Variants in PRELID2 observed in about 807,000 individuals in gnomAD.
PRELID2 encodes the protein PRELI domain-containing protein 2.
Under a neutral mutation model 28.4 loss-of-function variants are expected in PRELID2, and 25 were observed. The ratio of observed to expected loss-of-function variants is 0.88; its 90% CI spans 0.64 to 1.23. PRELID2 has a LOEUF of 1.23. Ranked by LOEUF, PRELID2 falls within the 50% of genes most tolerant of loss-of-function variation. The pLI, the probability that PRELID2 is intolerant of heterozygous loss-of-function variation, is 0.00. For missense variants in PRELID2, 201 were observed against 214.4 expected (o/e 0.94, Z 0.39); for synonymous variants, 76 against 71.6 (o/e 1.06, Z -0.31).
chr5:145,552,867 C>T (rs1308870780), intron 1 of PRELID2, among the ~76,000 whole-genome samples: 1 of 152,142 alleles, frequency 6.6e-6, no homozygotes, highest in Non-Finnish European at 1.5e-5. Flanking sequence ...CTGCTCATAG[C>T]ATGTCATTAA....
At chr5:145,418,070 C>A in the PRELID2 span, among the ~76,000 whole-genome samples, 1 of 152,084 alleles carries the variant, frequency 6.6e-6, no homozygotes, top group East Asian at 1.9e-4. Flanking sequence ...AGTCAATGCA[C>A]AGAAATTGCT....
chr5:145,299,030 A>G, the PRELID2 span, among the ~76,000 whole-genome samples: 184 of 152,204 alleles, frequency 1.2e-3, no homozygotes, highest in African/African-American at 4.3e-3. Flanking sequence ...ATATATTTCT[A>G]ATTTTTTATT....
intron 1 of PRELID2, among the ~76,000 whole-genome samples, chr5:145,607,866 T>C (rs934394950): frequency 1.6e-4 from 25 of 152,324 alleles, no homozygotes; most frequent in South Asian, 6.2e-4. Context: ...ATTATTATTG[T>C]ATGCCTATTT....
chr5:145,696,483 T>C (rs1755265494), intron 1 of PRELID2, among the ~76,000 whole-genome samples: 1 of 152,130 alleles, frequency 6.6e-6, no homozygotes, highest in Non-Finnish European at 1.5e-5. Context: ...AAATATCTTT[T>C]TGAGATAGGG....
chr5:145,441,555 T>C, the PRELID2 span, among the ~76,000 whole-genome samples: 1 of 152,122 alleles, frequency 6.6e-6, no homozygotes, highest in Non-Finnish European at 1.5e-5. Flanking sequence ...ATCATAATTA[T>C]CATAAGTCAG....
the PRELID2 span, among the ~76,000 whole-genome samples, chr5:145,378,858 C>T: frequency 1.3e-5 from 2 of 152,156 alleles, no homozygotes; most frequent in Non-Finnish European, 2.9e-5. Context: ...GAAAAGAAGA[C>T]ATTCTGGCTC....
the PRELID2 span, among the ~76,000 whole-genome samples, chr5:145,337,686 AATATATATATATATATATATAT>A: frequency 3.6e-3 from 288 of 79,876 alleles, 5 homozygotes; most frequent in East Asian, 0.047. Context: ...GCATAGGGCA[AATATATATATATATATATATAT>A]ATATATATAT....
intron 1 of PRELID2, among the ~76,000 whole-genome samples, chr5:145,745,818 C>A (rs1187635755): frequency 1.3e-5 from 2 of 151,760 alleles, no homozygotes; most frequent in Admixed American, 6.6e-5. Context: ...GCCAAGATCA[C>A]ACCATTGCAC....
chr5:145,540,510 T>C (rs768092978), intron 1 of PRELID2, among the ~76,000 whole-genome samples: 1 of 151,820 alleles, frequency 6.6e-6, no homozygotes, highest in African/African-American at 2.4e-5. Flanking sequence ...AGTCTTACCA[T>C]GGGACAACAG....
intron 1 of PRELID2, among the ~76,000 whole-genome samples, chr5:145,511,080 C>T (rs1031991864): frequency 6.6e-6 from 1 of 152,158 alleles, no homozygotes; most frequent in Non-Finnish European, 1.5e-5. Flanking sequence ...GTCATGTCGC[C>T]TCTTGATTCA....
chr5:145,729,641 C>G (rs1756278431), intron 1 of PRELID2, among the ~76,000 whole-genome samples: 1 of 152,230 alleles, frequency 6.6e-6, no homozygotes, highest in African/African-American at 2.4e-5. Flanking sequence ...CACTGAGCTT[C>G]TTTCAGTCAT....
chr5:145,362,712 G>T, the PRELID2 span, among the ~76,000 whole-genome samples: 8 of 152,088 alleles, frequency 5.3e-5, no homozygotes, highest in African/African-American at 1.9e-4. Flanking sequence ...ACACCAGGAA[G>T]ACCATGAGAA....
rs1202650944 is a variant in PRELID2 at position 145,757,901 on chromosome 5, T to C, written c.*2635A>G. 3.3e-5 allele frequency among the ~76,000 whole-genome samples: 5 copies of C among 151,598 alleles called. No individual in the cohort carries two copies. The highest frequency in any genetic ancestry group is 5.9e-5 in the Non-Finnish European group (4 of 67,972). ...TAGCTGCCTGCAGGGGGAAAATTAC[T>C]GAGTGAGGAAAAGTAATCCCTGAGG... On this transcript the variant is annotated 3_prime_UTR_variant, in exon 7 of 7. Transcript: ENST00000683046.
At chr5:145,299,235 C>T in the PRELID2 span, among the ~76,000 whole-genome samples, 1 of 152,076 alleles carries the variant, frequency 6.6e-6, no homozygotes. Flanking sequence ...TCCCACACCT[C>T]TTAATAATAT....
At chr5:145,569,993 A>T (rs140522272) in intron 1 of PRELID2, among the ~76,000 whole-genome samples, 188 of 152,318 alleles carry the variant, frequency 1.2e-3, no homozygotes, top group African/African-American at 4.3e-3. Flanking sequence ...GGTGTTGGCC[A>T]GGTGGATTCC....
At chr5:145,568,515 C>CTA (rs1752988031) in intron 1 of PRELID2, among the ~76,000 whole-genome samples, 1 of 152,238 alleles carries the variant, frequency 6.6e-6, no homozygotes, top group Admixed American at 6.5e-5. Context: ...CTTGCAAGGA[C>CTA]TATATTATGA....
intron 1 of PRELID2, among the ~76,000 whole-genome samples, chr5:145,630,165 A>ATGGATGGATGG (rs1753912884): frequency 7.5e-6 from 1 of 133,108 alleles, no homozygotes; most frequent in Admixed American, 8.2e-5. Flanking sequence ...TGGATGGATG[A>ATGGATGGATGG]GTGGGTGGAT....
At chr5:145,251,890 G>C in the PRELID2 span, among the ~76,000 whole-genome samples, 1 of 152,046 alleles carries the variant, frequency 6.6e-6, no homozygotes, top group Non-Finnish European at 1.5e-5. Flanking sequence ...GACCTCATCT[G>C]TCAGGGGTCC....
the PRELID2 span, chr5:145,229,917 T>G: frequency 5.3e-6 from 4 of 750,316 alleles, no homozygotes; most frequent in South Asian, 1.4e-5. Context: ...GTCCCCACTG[T>G]CTCTCTACAA....
Sources: allele counts gnomAD v4.1 joint callset (sites outside exome capture counted in the v4.1 genomes callset), GRCh38; gene constraint gnomAD v4.1.1; transcripts MANE v1.5; gene names NCBI Gene and HGNC (gene_info 2026-07-23, HGNC 2026-07-21).